Variants in ARRB1 observed in about 807,000 individuals in gnomAD.
ARRB1 encodes the protein beta-arrestin-1.
In ARRB1, 21 loss-of-function variants were observed where a neutral mutation model predicts 56.8. That is an observed-to-expected ratio of 0.37 (90% confidence interval 0.26 to 0.53). The LOEUF (loss-of-function observed/expected upper bound fraction) is 0.53. ARRB1 is among the 20% of genes least tolerant of loss of function. ARRB1 has a pLI of 0.88. For missense variants in ARRB1, 424 were observed against 553.7 expected, an observed-to-expected ratio of 0.77 and a Z score of 2.35; for synonymous variants, 210 against 218.6, an observed-to-expected ratio of 0.96 and a Z score of 0.35.
Position 75,283,291 on chromosome 11 carries a change from A to C in ARRB1, c.350T>G (p.Phe117Cys), listed in dbSNP as rs771142688. ...KLGEHAYPFT[F>C]EIPPNLPCSV... is the part of the protein sequence containing the mutation. The stretch of plus-strand genomic sequence containing the variant: ...CCAGGGATGGCAGTTCCTGACCTCA[A>C]AGGTGAAAGGGTAAGCGTGCTCGCC... Residue 117 changes from phenylalanine to cysteine, a missense_variant, in exon 5 of 16, where the codon TTT becomes TGT. Transcript: ENST00000420843. 6.2e-7 allele frequency: 1 copy of C among 1,600,374 alleles called. No individual in the cohort carries two copies.
At chr11:75,275,226 A>G (rs1046676395) in intron 10 of ARRB1, among the ~76,000 whole-genome samples, 1 of 151,066 alleles carries the variant, frequency 6.6e-6, no homozygotes, top group African/African-American at 2.4e-5. Context: ...GGCTCACTGG[A>G]ACCTCCACCT....
intron 1 of ARRB1, among the ~76,000 whole-genome samples, chr11:75,321,739 G>A (rs775653952): frequency 2.0e-5 from 3 of 152,190 alleles, no homozygotes; most frequent in Non-Finnish European, 2.9e-5. Flanking sequence ...TTAAGTGAGT[G>A]TAGTGTCTGG....
At chr11:75,282,050 C>A (rs1475004159) in intron 5 of ARRB1, 29 bp from the exon 6 acceptor site, 1 of 1,611,396 alleles carries the variant, frequency 6.2e-7, no homozygotes, top group Non-Finnish European at 8.5e-7. Context: ...AACGAGCCAC[C>A]TGTCACATCC....
At chr11:75,271,468 G>A (rs542593912) in intron 13 of ARRB1, 12 of 455,826 alleles carry the variant, frequency 2.6e-5, no homozygotes, top group Non-Finnish European at 4.7e-5. Context: ...CCCTGTATCA[G>A]TGTAATCAGG....
rs772532422 is a variant in ARRB1, at chr11:75,278,547, G to A, written c.618+62C>T. ...ATCCTTGCAGGCCAGGAGAGAGCTG[G>A]GATCTGAGGCCCAGGCCCTGGTGGA... is the stretch of plus-strand genomic sequence containing the variant. On this transcript the variant is annotated intron_variant, in intron 8 of 15. Transcript: ENST00000420843. 72 of 1,608,238 alleles carry A rather than the reference G, an allele frequency of 4.5e-5. 1 individual carries two copies. Among genetic ancestry groups the A allele is most frequent in the South Asian group, 2.0e-4 (18 of 90,676 alleles).
chr11:75,278,268 C>T (rs1485366183), intron 8 of ARRB1, among the ~76,000 whole-genome samples: 4 of 152,238 alleles, frequency 2.6e-5, no homozygotes, highest in Non-Finnish European at 2.9e-5. Flanking sequence ...GGCCCCCCAC[C>T]GTGCCCCCTC....
At chr11:75,321,482 C>T (rs1947349411) in intron 1 of ARRB1, among the ~76,000 whole-genome samples, 2 of 152,168 alleles carry the variant, frequency 1.3e-5, no homozygotes, top group Non-Finnish European at 1.5e-5. Context: ...ATGCTCACCA[C>T]CATTTGAGAG....
chr11:75,309,862 G>A (rs1373406962), intron 1 of ARRB1, among the ~76,000 whole-genome samples: 1 of 152,198 alleles, frequency 6.6e-6, no homozygotes, highest in Non-Finnish European at 1.5e-5. Context: ...GGGAGCAGGG[G>A]AGGAGCATTC....
intron 13 of ARRB1, 94 bp downstream of exon 13, chr11:75,271,607 T>A (rs1946074681): frequency 7.3e-7 from 1 of 1,362,608 alleles, no homozygotes; most frequent in African/African-American, 1.5e-5. Flanking sequence ...TAAGATTCCT[T>A]CCAACCCAGT....
intron 1 of ARRB1, among the ~76,000 whole-genome samples, chr11:75,316,327 A>C (rs1351571197): frequency 6.6e-6 from 1 of 150,798 alleles, no homozygotes; most frequent in Non-Finnish European, 1.5e-5. Flanking sequence ...ACTCTGTCAA[A>C]AAAAAAAAAA....
intron 1 of ARRB1, among the ~76,000 whole-genome samples, chr11:75,328,587 T>A (rs1243403018): frequency 6.6e-6 from 1 of 152,202 alleles, no homozygotes; most frequent in Non-Finnish European, 1.5e-5. Flanking sequence ...ATCCCAAGTG[T>A]CATGCCTTCC....
chr11:75,269,057 T>C (rs772304226), intron 13 of ARRB1, 98 bp from the exon 14 acceptor site: 232 of 1,369,920 alleles, frequency 1.7e-4, no homozygotes, highest in Non-Finnish European at 2.3e-4. Context: ...CAGAGGGTTT[T>C]GCCGTCAGAG....
At chr11:75,295,746 G>A (rs1007465249) in intron 1 of ARRB1, among the ~76,000 whole-genome samples, 4 of 152,178 alleles carry the variant, frequency 2.6e-5, no homozygotes, top group African/African-American at 4.8e-5. Context: ...GCAATGATCT[G>A]GATGAGAAAG....
intron 1 of ARRB1, among the ~76,000 whole-genome samples, chr11:75,311,624 G>A (rs1201882202): frequency 6.6e-6 from 1 of 152,196 alleles, no homozygotes. Flanking sequence ...ATCCCATAAT[G>A]GTGTTATTAA....
At chr11:75,332,386 G>A (rs1947536116) in intron 1 of ARRB1, among the ~76,000 whole-genome samples, 1 of 152,132 alleles carries the variant, frequency 6.6e-6, no homozygotes. Context: ...TTTCTTCGAG[G>A]CCCTCCCAAT....
intron 1 of ARRB1, among the ~76,000 whole-genome samples, chr11:75,303,932 G>T (rs1591951682): frequency 6.6e-6 from 1 of 152,206 alleles, no homozygotes; most frequent in Admixed American, 6.5e-5. Flanking sequence ...TTGGTACATA[G>T]TAGGTGCTTA....
chr11:75,290,153 C>A (rs113797215), intron 1 of ARRB1, 114 bp from the exon 2 acceptor site: 2 of 1,293,428 alleles, frequency 1.5e-6, no homozygotes, highest in South Asian at 1.3e-5. Context: ...CTGACAGGCA[C>A]CATGCAGGCT....
intron 3 of ARRB1, 127 bp downstream of exon 3, chr11:75,287,188 C>T: frequency 1.1e-6 from 1 of 934,546 alleles, no homozygotes; most frequent in Non-Finnish European, 1.6e-6. Context: ...ATGCTTGCTG[C>T]CTGAAGCAGG....
At chr11:75,350,417 A>G (rs1248365108) in intron 1 of ARRB1, among the ~76,000 whole-genome samples, 1 of 152,172 alleles carries the variant, frequency 6.6e-6, no homozygotes. Context: ...GAAGAGAAAG[A>G]CAGAAAACAA....
Sources: allele counts gnomAD v4.1 joint callset (sites outside exome capture counted in the v4.1 genomes callset), GRCh38; gene constraint gnomAD v4.1.1; transcripts MANE v1.5; gene names NCBI Gene and HGNC (gene_info 2026-07-23, HGNC 2026-07-21).